MUC4: variants seen among roughly 807,000 people sequenced by gnomAD.
The protein encoded by MUC4 is mucin-4.
In MUC4, 202 loss-of-function variants were observed where a neutral mutation model predicts 257.9. That is an observed-to-expected ratio of 0.78 (90% CI 0.70 to 0.88). The LOEUF (loss-of-function observed/expected upper bound fraction) is 0.88, where lower values mean the gene tolerates loss of function less well. Among genes scored for constraint, MUC4 ranks in the 40% least tolerant of loss-of-function variants. The pLI is 0.00. For synonymous variants in MUC4, 2,351 were observed against 2,757.1 expected (o/e 0.85, Z 4.62); for missense variants, 5,976 against 6,513.7 (o/e 0.92, Z 2.84).
intron 1 of MUC4, among the ~76,000 whole-genome samples, chr3:195,800,042 T>C (rs1017058755): frequency 3.3e-5 from 5 of 151,062 alleles, no homozygotes; most frequent in Non-Finnish European, 5.9e-5. Flanking sequence ...CTTTGGGAGG[T>C]CGAAGCGGGT....
intron 1 of MUC4, among the ~76,000 whole-genome samples, chr3:195,804,373 G>C (rs766609952): frequency 6.6e-6 from 1 of 152,232 alleles, no homozygotes; most frequent in African/African-American, 2.4e-5. Context: ...CAGGTGTGCC[G>C]AGGTGACAGG....
In MUC4 at chr3:195,769,058, T is replaced by G. The variant is rs1352324415; in HGVS notation, c.13493A>C (p.Gln4498Pro). Residue 4498 changes from glutamine to proline, a missense_variant, in exon 7 of 25, where the codon CAG becomes CCG. By Grantham distance (76) the Gln-to-Pro change is moderately conservative. This residue lies in a region of MUC4 where 996 missense variants were observed against 1,137.3 expected (regional missense o/e 0.88). Coordinates refer to ENST00000463781, the MANE Select transcript of MUC4 (RefSeq NM_018406.7). ...QSGGMQWDVA[Q>P]RSGNPVLMGF... ...CATGAGCACCGGGTTGCCTGAGCGC[T>G]GGGCCACGTCCCACTGCATCCCACC... is the stretch of plus-strand genomic sequence containing the variant. The G allele has an allele frequency of 1.2e-6, 2 of 1,613,920 alleles. No homozygotes were observed. The highest frequency in any genetic ancestry group is 1.3e-5 in the African/African-American group (1 of 74,940).
chr3:195,805,446 G>A (rs1393854941), intron 1 of MUC4, among the ~76,000 whole-genome samples: 1 of 152,124 alleles, frequency 6.6e-6, no homozygotes, highest in African/African-American at 2.4e-5. Context: ...CCACCATCTT[G>A]GTGTTGCCAC....
intron 2 of MUC4, 74 bp from the exon 3 acceptor site, chr3:195,778,529 A>ATC: frequency 6.4e-7 from 1 of 1,574,540 alleles, no homozygotes; most frequent in African/African-American, 1.4e-5. Flanking sequence ...ATTCAAAGAA[A>ATC]TCAGGAGCTG....
chr3:195,793,183 A>T (rs959944163), intron 1 of MUC4, among the ~76,000 whole-genome samples: 13 of 152,130 alleles, frequency 8.5e-5, no homozygotes, highest in Non-Finnish European at 1.9e-4. Flanking sequence ...ACAACTGTAC[A>T]TATTTGGGGG....
rs1450035089 is a variant in MUC4 at position 195,781,273 on chromosome 3, C to T, written c.10307G>A (p.Gly3436Asp). The change falls in exon 2 of 25, where the codon GGT becomes GAT. Residue 3436 changes from glycine to aspartate, a missense_variant. Gly to Asp is a moderately conservative substitution (Grantham distance 94). Coordinates refer to ENST00000463781, the MANE Select transcript of MUC4 (RefSeq NM_018406.7). ...PVTSTSSAST[G>D]HATPVPVTST... The stretch of plus-strand genomic sequence containing the variant: ...GGTGACAGGAACAGGGGTGGCGTGA[C>T]CGGTGGATGCTGAGGAAGTGCTGGT... The T allele has an allele frequency of 1.1e-5, 16 of 1,505,940 alleles. 1 individual carries two copies. The East Asian group carries it at 2.5e-4, about 24-fold the overall frequency. 93.3% of individuals were successfully genotyped at this position (1,505,940 alleles called of 1,614,324 possible). A position where few individuals can be genotyped will look rare whatever the true frequency, so the allele number is the denominator to read the frequency against.
At chr3:195,753,846 G>A (rs1032211352) in intron 19 of MUC4, 3 of 251,846 alleles carry the variant, frequency 1.2e-5, no homozygotes, top group African/African-American at 6.7e-5. Context: ...GGGATCCCGA[G>A]GACCCAGCTT....
intron 4 of MUC4, among the ~76,000 whole-genome samples, 195 bp from the exon 5 acceptor site, chr3:195,772,011 A>G (rs2148864405): frequency 6.6e-6 from 1 of 152,284 alleles, no homozygotes; most frequent in Middle Eastern, 3.4e-3. Context: ...CTCCGCCCTC[A>G]GGCCATCCCT....
Position 195,754,233 on chromosome 3 carries a change from C to T in MUC4, c.15308G>A (p.Gly5103Glu). ...GCEACPPNLT[G>E]DGRHCAALGS... is the part of the protein sequence containing the mutation. ...CTCACCCGCACAGTGCCGCCCATCC[C>T]CAGTCAGGTTTGGAGGGCAGGCCTC... The change falls in exon 19 of 25, where the codon GGG becomes GAG. Residue 5103 changes from glycine (G) to glutamate (E), a missense_variant. Physicochemically the swap from Gly to Glu is moderately conservative, Grantham distance 98. This residue lies in a region of MUC4 where 996 missense variants were observed against 1,137.3 expected (regional missense o/e 0.88). Transcript: ENST00000463781. The T allele has an allele frequency of 6.2e-7, 1 of 1,613,698 alleles. No individual in the cohort carries two copies. The highest frequency in any genetic ancestry group is 8.5e-7 in the Non-Finnish European group (1 of 1,179,850).
rs768847293 is a variant in MUC4 at position 195,761,083 on chromosome 3, C to T, written c.14649G>A (p.Arg4883=). ...TGAAGTTGGAAGGCAGCTGGTCATTCCTCTTGCCAAGGAGGCCTGTCCCGT... is the reference window on the plus strand; with the variant it reads ...TGAAGTTGGAAGGCAGCTGGTCATTTCTCTTGCCAAGGAGGCCTGTCCCGT... ...QINGTGLLGK[R]NDQLPSNFTP... is the part of the protein sequence containing the mutation. The change falls in exon 16 of 25, where the codon AGG becomes AGA. Residue 4883 remains arginine, a synonymous_variant. Coordinates refer to ENST00000463781, the MANE Select transcript of MUC4 (RefSeq NM_018406.7). 2.5e-6 allele frequency: 4 copies of T among 1,614,200 alleles called. No individual in the cohort carries two copies. The Admixed American group carries it at 6.7e-5, about 27-fold the overall frequency.
In MUC4 at chr3:195,766,724, T is replaced by A. The variant is rs1720583077; in HGVS notation, c.13557A>T (p.Pro4519=). The change falls in exon 8 of 25, where the codon CCA becomes CCT. Residue 4519 remains proline, a synonymous_variant. Coordinates refer to ENST00000463781, the MANE Select transcript of MUC4 (RefSeq NM_018406.7). ...SSGDGYFENS[P]LMSQPVWERY... is the part of the protein sequence containing the mutation. ...TCTCCCACACTGGCTGGGACATCAG[T>A]GGGCTGTTTTCGAAATAGCCATCTC... 6.2e-7 allele frequency: 1 copy of A among 1,614,022 alleles called. No individual in the cohort carries two copies. The highest frequency in any genetic ancestry group is 8.5e-7 in the Non-Finnish European group (1 of 1,180,018).
chr3:195,804,365 G>T (rs1735716161), intron 1 of MUC4, among the ~76,000 whole-genome samples: 1 of 152,260 alleles, frequency 6.6e-6, no homozygotes, highest in South Asian at 2.1e-4. Context: ...TGACTCCACA[G>T]GTGTGCCGAG....
In MUC4 at chr3:195,811,786, CA is replaced by C. The variant is rs751537677; in HGVS notation, c.31del (p.Trp11GlyfsTer4). On this transcript the variant is annotated frameshift_variant, in exon 1 of 25. Transcript: ENST00000463781. LOFTEE classifies it high-confidence loss of function. ...GAGACACAGGCAGCTCAGGGACACCCAGGGGACCCTCCTCCAGCGTGCCCCC... is the reference window on the plus strand; with the variant it reads ...GAGACACAGGCAGCTCAGGGACACCCGGGGACCCTCCTCCAGCGTGCCCCC... MKGARWRRVP[W>X]VSLSCLCLCL... 4.8e-4 allele frequency: 771 copies of C among 1,614,030 alleles called. 1 individual carries two copies. Among genetic ancestry groups the C allele is most frequent in the Non-Finnish European group, 6.0e-4 (711 of 1,179,990 alleles).
Position 195,760,978 on chromosome 3 carries a change from T to C in MUC4, c.14754A>G (p.Ser4918=). 6.2e-7 allele frequency: 1 copy of C among 1,613,920 alleles called. No individual in the cohort carries two copies. ...GCAGGGCCAGGGTGTCATAGATGCA[T>C]GAGCTATCTCCGTCACAGTTGGAGA... ...HLISNCDGDS[S]CIYDTLALRN... is the part of the protein sequence containing the mutation. The change falls in exon 16 of 25, where the codon TCA becomes TCG. Residue 4918 remains serine (S), a synonymous_variant. Coordinates refer to ENST00000463781, the MANE Select transcript of MUC4 (RefSeq NM_018406.7).
At position 195,746,944 on chromosome 3, in the gene MUC4, G is replaced by C; in HGVS notation, c.*232C>G. On this transcript the variant is annotated 3_prime_UTR_variant, in exon 25 of 25. Coordinates refer to ENST00000463781, the MANE Select transcript of MUC4 (RefSeq NM_018406.7). ...CACAGGCTAGTGTCCTTCTGTGGGT[G>C]TGTCTGCGTGAGGACCCATCCATGC... 1 of 628,098 alleles carries C rather than the reference G, an allele frequency of 1.6e-6. No homozygotes were observed. The highest frequency in any genetic ancestry group is 2.0e-5 in the South Asian group (1 of 49,880). 38.9% of individuals were successfully genotyped at this position (628,098 alleles called of 1,614,324 possible). A position where few individuals can be genotyped will look rare whatever the true frequency, so the allele number is the denominator to read the frequency against.
At chr3:195,767,835 C>CCACCATCACCACCATCATCACCACCAT (rs1207941159) in intron 7 of MUC4, among the ~76,000 whole-genome samples, 1 of 114,772 alleles carries the variant, frequency 8.7e-6, no homozygotes, top group Non-Finnish European at 2.0e-5. Flanking sequence ...ACCACCATCA[C>CCACCATCACCACCATCATCACCACCAT]CACCACCACC....
At chr3:195,772,472 A>C in intron 4 of MUC4, among the ~76,000 whole-genome samples, 1 of 129,866 alleles carries the variant, frequency 7.7e-6, no homozygotes, top group Non-Finnish European at 1.6e-5. Context: ...CCCTCTCTCC[A>C]TCGCTCAGGG....
Position 195,774,258 on chromosome 3 carries a change from C to G in MUC4, c.12991G>C (p.Val4331Leu), listed in dbSNP as rs772061178. The change falls in exon 4 of 25, where the codon GTC (valine) becomes CTC (leucine). Residue 4331 changes from valine to leucine, a missense_variant. By Grantham distance (32) the Val-to-Leu change is conservative. Around this residue, in one of 44 missense-constraint regions of MUC4, gnomAD observed 233 missense variants for 171.2 expected, o/e 1.36. Transcript: ENST00000463781. Reference sequence around the variant, plus strand: ...GAGGTGAAGTCCACGGTCCTCCTGACGAACTCCAGGTCCCCGGCGCCTGCC... The same window carrying G: ...GAGGTGAAGTCCACGGTCCTCCTGAGGAACTCCAGGTCCCCGGCGCCTGCC... Reference protein sequence around the residue: ...YGAGAGDLEFVRRTVDFTSPL... With the variant: ...YGAGAGDLEFLRRTVDFTSPL... 1.9e-6 allele frequency: 3 copies of G among 1,599,536 alleles called. No individual in the cohort carries two copies. The highest frequency in any genetic ancestry group is 4.6e-5 in the East Asian group (2 of 43,844).
chr3:195,767,508 C>T (rs1432947388), intron 7 of MUC4, among the ~76,000 whole-genome samples: 2 of 142,704 alleles, frequency 1.4e-5, no homozygotes, highest in African/African-American at 2.7e-5. Context: ...TCACCACCAC[C>T]ATCACCATCA....
Sources: gnomAD v4.1 joint callset for allele counts (sites outside exome capture counted in the v4.1 genomes callset) on GRCh38, gnomAD v4.1.1 for gene constraint, gnomAD v4.1.1 regional missense constraint, MANE v1.5 for transcripts, NCBI Gene and HGNC (gene_info 2026-07-23, HGNC 2026-07-21) for gene names.